Variants in EPB41L4A observed in about 807,000 individuals in gnomAD.
EPB41L4A encodes band 4.1-like protein 4A.
EPB41L4A carries 100 observed loss-of-function variants against 108.6 expected under a neutral mutation model. The observed-to-expected ratio is 0.92, with a 90% CI of 0.78 to 1.09. The LOEUF is 1.09. EPB41L4A is among the 50% of genes least tolerant of loss of function. The pLI, the probability that EPB41L4A is intolerant of heterozygous loss-of-function variation, is 0.00. For synonymous variants in EPB41L4A, 319 were observed against 289.0 expected (o/e 1.10, Z -1.05); for missense variants, 1,030 against 842.7 (o/e 1.22, Z -2.75).
At chr5:112,234,882 T>C in intron 11 of EPB41L4A, 127 bp from the exon 12 acceptor site, 1 of 966,178 alleles carries the variant, frequency 1.0e-6, no homozygotes, top group Non-Finnish European at 1.5e-6. Context: ...TGGTTTTTAA[T>C]TGATTCTCAT....
intron 4 of EPB41L4A, among the ~76,000 whole-genome samples, chr5:112,274,742 A>G (rs1262099862): frequency 6.6e-6 from 1 of 152,182 alleles, no homozygotes; most frequent in African/African-American, 2.4e-5. Context: ...TCAGTTGTTG[A>G]CATGTACTAT....
intron 12 of EPB41L4A, among the ~76,000 whole-genome samples, chr5:112,146,747 G>A (rs1215197504): frequency 3.9e-5 from 6 of 152,140 alleles, no homozygotes; most frequent in African/African-American, 1.4e-4. Flanking sequence ...CGTTGCTACT[G>A]GCAAGCTGGC....
intron 1 of EPB41L4A, among the ~76,000 whole-genome samples, chr5:112,410,487 A>G (rs1449438006): frequency 2.0e-5 from 3 of 152,258 alleles, no homozygotes; most frequent in Middle Eastern, 3.4e-3. Context: ...AAAACAGGGG[A>G]AAAGAAACAA....
chr5:112,266,280 G>C lies in EPB41L4A; in HGVS notation c.386C>G (p.Pro129Arg). The change falls in exon 5 of 23, where the codon CCC becomes CGC. Residue 129 changes from proline (P) to arginine (R), a missense_variant. Coordinates refer to ENST00000261486, the MANE Select transcript of EPB41L4A (RefSeq NM_022140.5). The part of the protein sequence containing the change: ...VKQDVLQGRL[P>R]CPVNTAAQLG... Reference sequence around the variant, plus strand: ...CTGAGCAGCAGTGTTGACGGGACAGGGCAGACGGCCCTGAAGGACATCTTG... The same window carrying C: ...CTGAGCAGCAGTGTTGACGGGACAGCGCAGACGGCCCTGAAGGACATCTTG... 1.2e-6 allele frequency: 2 copies of C among 1,610,988 alleles called. No individual in the cohort carries two copies. Among genetic ancestry groups the C allele is most frequent in the Non-Finnish European group, 1.7e-6 (2 of 1,178,870 alleles).
At chr5:112,280,199 T>A (rs1752877459) in intron 3 of EPB41L4A, 73 bp downstream of exon 3, 1 of 1,325,410 alleles carries the variant, frequency 7.5e-7, no homozygotes, top group Non-Finnish European at 1.1e-6. Context: ...AGCCCACTTC[T>A]GCACCCAACT....
At chr5:112,153,812 A>G (rs1407086319) in intron 12 of EPB41L4A, among the ~76,000 whole-genome samples, 3 of 151,222 alleles carry the variant, frequency 2.0e-5, no homozygotes, top group Non-Finnish European at 4.4e-5. Context: ...GTAACCACCT[A>G]TTATGACCCA....
At chr5:112,372,792 G>C (rs1420359874) in intron 1 of EPB41L4A, among the ~76,000 whole-genome samples, 2 of 152,158 alleles carry the variant, frequency 1.3e-5, no homozygotes, top group African/African-American at 4.8e-5. Flanking sequence ...ACAGAGAAAT[G>C]AACTGTAATG....
chr5:112,146,380 C>T (rs1759257183), intron 12 of EPB41L4A, among the ~76,000 whole-genome samples: 1 of 152,194 alleles, frequency 6.6e-6, no homozygotes, highest in Non-Finnish European at 1.5e-5. Context: ...GAACAGCCCA[C>T]TCATTAGAAA....
At chr5:112,310,308 G>C (rs1185842403) in intron 1 of EPB41L4A, among the ~76,000 whole-genome samples, 1 of 152,146 alleles carries the variant, frequency 6.6e-6, no homozygotes, top group African/African-American at 2.4e-5. Context: ...ATTCTTCTTA[G>C]TTTGTCTATG....
At chr5:112,244,930 T>C (rs1054180467) in intron 9 of EPB41L4A, among the ~76,000 whole-genome samples, 2 of 152,114 alleles carry the variant, frequency 1.3e-5, no homozygotes, top group African/African-American at 4.8e-5. Flanking sequence ...TTATAACGTA[T>C]GTAATAATAA....
chr5:112,382,211 C>G (rs1580796906), intron 1 of EPB41L4A, among the ~76,000 whole-genome samples: 1 of 152,166 alleles, frequency 6.6e-6, no homozygotes, highest in East Asian at 1.9e-4. Context: ...ACAATCTAAA[C>G]ATATTTTAAA....
At chr5:112,356,812 G>T (rs1758390579) in intron 1 of EPB41L4A, among the ~76,000 whole-genome samples, 1 of 152,208 alleles carries the variant, frequency 6.6e-6, no homozygotes, top group Non-Finnish European at 1.5e-5. Context: ...ATCAAAGGCT[G>T]CAACCTCAGC....
intron 22 of EPB41L4A, among the ~76,000 whole-genome samples, chr5:112,167,123 C>CCA (rs1384343994): frequency 6.3e-5 from 7 of 110,588 alleles, no homozygotes; most frequent in Admixed American, 4.7e-4. Context: ...AAATTTAAGA[C>CCA]AAAAAAAAAA....
intron 9 of EPB41L4A, chr5:112,250,848 G>A (rs1302277645): frequency 3.3e-5 from 5 of 152,150 alleles, no homozygotes. Flanking sequence ...TTCCAACTCA[G>A]AGACACAGAC....
intron 2 of EPB41L4A, among the ~76,000 whole-genome samples, chr5:112,289,242 A>G (rs753621785): frequency 6.6e-6 from 1 of 152,186 alleles, no homozygotes; most frequent in Non-Finnish European, 1.5e-5. Flanking sequence ...ATTTGAATTT[A>G]AGCAGAATAC....
intron 2 of EPB41L4A, among the ~76,000 whole-genome samples, chr5:112,287,326 T>C (rs571056156): frequency 6.6e-6 from 1 of 152,336 alleles, no homozygotes; most frequent in East Asian, 1.9e-4. Flanking sequence ...AGTACAGCAC[T>C]TTTCCATTGG....
intron 1 of EPB41L4A, among the ~76,000 whole-genome samples, chr5:112,342,687 G>A (rs1757391545): frequency 6.6e-6 from 1 of 152,204 alleles, no homozygotes. Flanking sequence ...GAAGAAGTAA[G>A]CAGATCAGAC....
intron 1 of EPB41L4A, among the ~76,000 whole-genome samples, chr5:112,308,689 A>T (rs1034250731): frequency 9.9e-5 from 15 of 152,214 alleles, no homozygotes; most frequent in African/African-American, 3.1e-4. Context: ...AGTGGCCTGT[A>T]AATGTCTCTG....
intron 12 of EPB41L4A, among the ~76,000 whole-genome samples, chr5:112,152,465 T>C (rs1019693579): frequency 1.3e-5 from 2 of 152,138 alleles, no homozygotes; most frequent in East Asian, 1.9e-4. Flanking sequence ...GTGGTGATTA[T>C]GTCATGAATG....
Sources: gnomAD v4.1 joint callset for allele counts (sites outside exome capture counted in the v4.1 genomes callset) on GRCh38, gnomAD v4.1.1 for gene constraint, MANE v1.5 for transcripts, NCBI Gene and HGNC (gene_info 2026-07-23, HGNC 2026-07-21) for gene names.